The following DTNA variants were observed in gnomAD, a reference collection of about 807,000 sequenced individuals.
DTNA encodes the protein dystrobrevin alpha, also known as dystrophin-related protein 3.
In DTNA, 43 loss-of-function variants were observed where a neutral mutation model predicts 100.7. That is an observed-to-expected ratio of 0.43 (90% confidence interval 0.33 to 0.55). The LOEUF is 0.55. Among genes scored for constraint, DTNA ranks in the 20% least tolerant of loss-of-function variants. The pLI is 0.04. For synonymous variants in DTNA, 349 were observed against 347.9 expected (o/e 1.00, Z -0.04); for missense variants, 798 against 953.9 (o/e 0.84, Z 2.15).
At chr18:34,518,724 T>A (rs2041897353) in intron 1 of DTNA, among the ~76,000 whole-genome samples, 1 of 150,232 alleles carries the variant, frequency 6.7e-6, no homozygotes, top group Non-Finnish European at 1.5e-5. Context: ...TGTGTGTGTG[T>A]GTGTGTGTGT....
At chr18:34,676,654 G>A (rs1223094531) in intron 1 of DTNA, among the ~76,000 whole-genome samples, 2 of 152,074 alleles carry the variant, frequency 1.3e-5, no homozygotes, top group African/African-American at 4.8e-5. Context: ...GGGCAACATA[G>A]CAAAATCTCA....
intron 1 of DTNA, among the ~76,000 whole-genome samples, chr18:34,525,625 A>G (rs1403585046): frequency 6.6e-6 from 1 of 152,120 alleles, no homozygotes; most frequent in Non-Finnish European, 1.5e-5. Context: ...TCCACAATAG[A>G]TTGTTTTATA....
At chr18:34,540,112 C>T (rs1312033620) in intron 1 of DTNA, among the ~76,000 whole-genome samples, 2 of 151,800 alleles carry the variant, frequency 1.3e-5, no homozygotes. Flanking sequence ...TTTAATAAAT[C>T]ACCTTCATTG....
At chr18:34,625,939 C>T (rs1237343046) in intron 1 of DTNA, among the ~76,000 whole-genome samples, 2 of 152,148 alleles carry the variant, frequency 1.3e-5, no homozygotes, top group Non-Finnish European at 2.9e-5. Context: ...CTTGGAAGAA[C>T]TAATTGGTTG....
intron 1 of DTNA, among the ~76,000 whole-genome samples, chr18:34,501,222 A>G (rs959397565): frequency 3.9e-5 from 6 of 152,318 alleles, no homozygotes; most frequent in Admixed American, 2.0e-4. Flanking sequence ...ATGTGATCAT[A>G]TGATTTTTCT....
At chr18:34,676,130 T>C (rs1173716956) in intron 1 of DTNA, among the ~76,000 whole-genome samples, 2 of 152,144 alleles carry the variant, frequency 1.3e-5, no homozygotes, top group African/African-American at 4.8e-5. Context: ...GTAATAAACG[T>C]GTATGCTTTA....
intron 1 of DTNA, among the ~76,000 whole-genome samples, chr18:34,612,222 C>T (rs1016059500): frequency 1.2e-4 from 19 of 152,208 alleles, no homozygotes; most frequent in Admixed American, 4.6e-4. Context: ...CCACCATCTA[C>T]GCGTGCCTGG....
At chr18:34,658,137 G>A (rs1461534655) in intron 1 of DTNA, among the ~76,000 whole-genome samples, 1 of 152,242 alleles carries the variant, frequency 6.6e-6, no homozygotes, top group South Asian at 2.1e-4. Flanking sequence ...TTCAAGCACT[G>A]AAACTAAAAA....
intron 19 of DTNA, 130 bp downstream of exon 19, chr18:34,877,938 T>C (rs1323330460): frequency 1.1e-6 from 1 of 917,728 alleles, no homozygotes; most frequent in Non-Finnish European, 1.7e-6. Context: ...GATATTTTGT[T>C]GGTCTATTCA....
intron 9 of DTNA, among the ~76,000 whole-genome samples, chr18:34,825,573 G>A (rs2095841629): frequency 6.6e-6 from 1 of 152,120 alleles, no homozygotes; most frequent in African/African-American, 2.4e-5. Context: ...CCATTTGATT[G>A]TGGAAGAAAT....
chr18:34,714,307 G>A (rs2083486567), intron 1 of DTNA, among the ~76,000 whole-genome samples: 1 of 147,168 alleles, frequency 6.8e-6, no homozygotes. Flanking sequence ...CCTACAAAAT[G>A]GGAGAAAATT....
chr18:34,514,071 C>T (rs1250862140), intron 1 of DTNA: 1 of 152,104 alleles, frequency 6.6e-6, no homozygotes, highest in African/African-American at 2.4e-5. Context: ...TCAGAATTCA[C>T]TCCACAGTGG....
intron 1 of DTNA, among the ~76,000 whole-genome samples, chr18:34,546,334 G>C (rs548072256): frequency 7.2e-5 from 11 of 152,208 alleles, no homozygotes; most frequent in African/African-American, 2.4e-4. Flanking sequence ...CTCTGGGTCA[G>C]TAAAGCTGGC....
intron 1 of DTNA, among the ~76,000 whole-genome samples, chr18:34,622,962 C>G (rs991041147): frequency 1.3e-5 from 2 of 152,172 alleles, no homozygotes; most frequent in African/African-American, 2.4e-5. Context: ...ACATCCATAT[C>G]TTTATATACC....
intron 1 of DTNA, among the ~76,000 whole-genome samples, chr18:34,630,226 G>C (rs1389988153): frequency 6.6e-6 from 1 of 152,038 alleles, no homozygotes; most frequent in Non-Finnish European, 1.5e-5. Context: ...TTATGAAAAG[G>C]AGAGCTTATA....
chr18:34,669,388 A>AG (rs1371261222), intron 1 of DTNA, among the ~76,000 whole-genome samples: 1 of 152,110 alleles, frequency 6.6e-6, no homozygotes, highest in Non-Finnish European at 1.5e-5. Flanking sequence ...CCAATTTGCC[A>AG]GTCTGTGTCT....
intron 1 of DTNA, among the ~76,000 whole-genome samples, chr18:34,730,800 A>C (rs2087935614): frequency 6.6e-6 from 1 of 152,172 alleles, no homozygotes; most frequent in Non-Finnish European, 1.5e-5. Context: ...TCAAATTGCA[A>C]GTGAAACTCT....
At chr18:34,728,649 G>C (rs1301823352) in intron 1 of DTNA, among the ~76,000 whole-genome samples, 1 of 152,100 alleles carries the variant, frequency 6.6e-6, no homozygotes, top group Admixed American at 6.6e-5. Flanking sequence ...TTTAGATCCA[G>C]AGGCCCAAAG....
At chr18:34,543,533 C>G (rs1006805362) in intron 1 of DTNA, among the ~76,000 whole-genome samples, 4 of 152,080 alleles carry the variant, frequency 2.6e-5, no homozygotes, top group Non-Finnish European at 5.9e-5. Context: ...TGTTACAATT[C>G]TCATGGATGT....
Sources: gnomAD v4.1 joint callset for allele counts (sites outside exome capture counted in the v4.1 genomes callset) on GRCh38, gnomAD v4.1.1 for gene constraint, MANE v1.5 for transcripts, NCBI Gene and HGNC (gene_info 2026-07-23, HGNC 2026-07-21) for gene names.